The following CFAP52 variants were observed in gnomAD, a reference collection of about 807,000 sequenced individuals.
The protein encoded by CFAP52 is cilia and flagella associated protein 52.
In CFAP52, 57 loss-of-function variants were observed where a neutral mutation model predicts 70.5. That is an observed-to-expected ratio of 0.81 (90% CI 0.65 to 1.01). The LOEUF (loss-of-function observed/expected upper bound fraction) is 1.01. CFAP52 is among the 50% of genes least tolerant of loss of function. The pLI is 0.00. For synonymous variants in CFAP52, 267 were observed against 292.5 expected, an observed-to-expected ratio of 0.91 and a Z score of 0.89; for missense variants, 785 against 788.5, an observed-to-expected ratio of 1.00 and a Z score of 0.05.
At chr17:9,624,860 T>C (rs1247734898) in intron 8 of CFAP52, among the ~76,000 whole-genome samples, 2 of 152,212 alleles carry the variant, frequency 1.3e-5, no homozygotes, top group African/African-American at 4.8e-5. Context: ...CATCATCTGT[T>C]ATTCTCATGA....
At chr17:9,600,859 A>G (rs1294699134) in intron 6 of CFAP52, among the ~76,000 whole-genome samples, 1 of 152,178 alleles carries the variant, frequency 6.6e-6, no homozygotes, top group Non-Finnish European at 1.5e-5. Context: ...TGCAAGGTAC[A>G]TTGGCCAGTT....
At chr17:9,640,441 C>CAT (rs111298334) in intron 12 of CFAP52, among the ~76,000 whole-genome samples, 1,861 of 150,324 alleles carry the variant, frequency 0.012, 47 homozygotes, top group African/African-American at 0.043. Context: ...TGTTTCCCCA[C>CAT]GTGTCCATCT....
intron 8 of CFAP52, among the ~76,000 whole-genome samples, chr17:9,615,680 C>T (rs138796102): frequency 1.1e-4 from 17 of 151,496 alleles, no homozygotes; most frequent in South Asian, 4.2e-4. Flanking sequence ...AGCACAGTGA[C>T]GCAATCACAG....
intron 3 of CFAP52, among the ~76,000 whole-genome samples, chr17:9,589,066 C>T (rs1477060838): frequency 6.6e-6 from 1 of 152,082 alleles, no homozygotes; most frequent in Non-Finnish European, 1.5e-5. Context: ...TGCACCACTG[C>T]ACTCCAGCCT....
rs544149688 is a variant in CFAP52 at position 9,590,663 on chromosome 17, CT to C, written c.408-3529del. 2.7e-3 allele frequency among the ~76,000 whole-genome samples: 405 copies of C among 152,330 alleles called. 2 individuals carry two copies. Among genetic ancestry groups the C allele is most frequent in the African/African-American group, 9.5e-3 (394 of 41,578 alleles). ...CATTAGGCCACCCCAATCCCACCCCCTGTCAAAGAGACTAGGTCTTGCGGGG... is the reference window on the plus strand; with the variant it reads ...CATTAGGCCACCCCAATCCCACCCCCGTCAAAGAGACTAGGTCTTGCGGGG... On this transcript the variant is annotated intron_variant, in intron 3 of 13. Coordinates refer to ENST00000352665, the MANE Select transcript of CFAP52 (RefSeq NM_145054.5).
intron 4 of CFAP52, among the ~76,000 whole-genome samples, chr17:9,595,910 T>G (rs984527959): frequency 6.6e-6 from 1 of 150,622 alleles, no homozygotes; most frequent in African/African-American, 2.4e-5. Flanking sequence ...AAAAAAAAAG[T>G]TCAGTACGTT....
intron 7 of CFAP52, among the ~76,000 whole-genome samples, chr17:9,612,059 G>A (rs1275352672): frequency 6.6e-6 from 1 of 152,148 alleles, no homozygotes; most frequent in African/African-American, 2.4e-5. Flanking sequence ...TGCCTGCATT[G>A]CACAACCCAT....
chr17:9,591,568 A>G (rs529295291), intron 3 of CFAP52, among the ~76,000 whole-genome samples: 1 of 152,216 alleles, frequency 6.6e-6, no homozygotes, highest in Admixed American at 6.5e-5. Flanking sequence ...CCTTTGTTTT[A>G]TCTATTTTTA....
At chr17:9,598,354 T>C (rs1441986936) in intron 5 of CFAP52, 21 bp downstream of exon 5, 2 of 1,589,216 alleles carry the variant, frequency 1.3e-6, no homozygotes, top group Admixed American at 3.4e-5. Context: ...ATTTAAGTAT[T>C]AAGTAACAAT....
chr17:9,632,323 G>T (rs954104248), intron 9 of CFAP52, among the ~76,000 whole-genome samples: 4 of 149,924 alleles, frequency 2.7e-5, no homozygotes, highest in Admixed American at 1.3e-4. Context: ...TGTGCTCCTA[G>T]ACTCAAGCAA....
chr17:9,604,593 C>T (rs183003068), intron 6 of CFAP52, among the ~76,000 whole-genome samples: 1,565 of 151,848 alleles, frequency 0.01, 32 homozygotes, highest in African/African-American at 0.036. Flanking sequence ...CATGGTGAAA[C>T]CCCGTCTCTA....
chr17:9,607,632 T>G (rs1909547503), intron 6 of CFAP52, among the ~76,000 whole-genome samples: 1 of 152,244 alleles, frequency 6.6e-6, no homozygotes, highest in Non-Finnish European at 1.5e-5. Flanking sequence ...CCTTTGCATT[T>G]GTAAGAATTA....
At chr17:9,634,746 G>A (rs1218777377) in intron 10 of CFAP52, among the ~76,000 whole-genome samples, 1 of 151,930 alleles carries the variant, frequency 6.6e-6, no homozygotes, top group African/African-American at 2.4e-5. Context: ...CCTGGGAGAC[G>A]GACCAAGACT....
intron 3 of CFAP52, chr17:9,590,611 C>T (rs1908702573): frequency 6.6e-6 from 1 of 152,270 alleles, no homozygotes; most frequent in East Asian, 1.9e-4. Flanking sequence ...GCCTGGGTCC[C>T]ACCCCCGGAG....
chr17:9,593,826 A>G (rs35397077), intron 3 of CFAP52, among the ~76,000 whole-genome samples: 151,161 of 152,036 alleles, frequency 0.99, 75,154 homozygotes, highest in South Asian at 1. Context: ...TTACCCGGAC[A>G]TGGTGGTGTG....
Position 9,628,941 on chromosome 17 carries a change from C to T in CFAP52, c.1174+121C>T, listed in dbSNP as rs77481032. 29 of 1,415,150 alleles carry T rather than the reference C, an allele frequency of 2.0e-5. No homozygotes were observed. In the African/African-American group the frequency reaches 3.8e-4, roughly 19 times the overall value. 87.7% of individuals were successfully genotyped at this position (1,415,150 alleles called of 1,614,324 possible). On this transcript the variant is annotated intron_variant, in intron 9 of 13. Coordinates refer to ENST00000352665, the MANE Select transcript of CFAP52 (RefSeq NM_145054.5). Reference sequence around the variant, plus strand: ...TAGAACAGCCTCCCACTGTCCACCCCCTTCTTGCTTCTAATCTAGCCTCTC... The same window carrying T: ...TAGAACAGCCTCCCACTGTCCACCCTCTTCTTGCTTCTAATCTAGCCTCTC...
At chr17:9,601,228 C>T (rs4791352) in intron 6 of CFAP52, among the ~76,000 whole-genome samples, 28,469 of 135,466 alleles carry the variant, frequency 0.21, 3,075 homozygotes, top group East Asian at 0.46. Context: ...CACATGGACC[C>T]GGGAAAGGGA....
At chr17:9,580,372 C>T (rs891436506) in intron 1 of CFAP52, among the ~76,000 whole-genome samples, 25 of 148,922 alleles carry the variant, frequency 1.7e-4, no homozygotes, top group Admixed American at 4.0e-4. Flanking sequence ...ATATAAATGG[C>T]TATTAGCTCA....
At chr17:9,578,290 T>C (rs549632689) in intron 1 of CFAP52, among the ~76,000 whole-genome samples, 1 of 152,260 alleles carries the variant, frequency 6.6e-6, no homozygotes, top group Non-Finnish European at 1.5e-5. Context: ...AAAGGCCTTT[T>C]CAGGACATGA....
Sources: allele counts gnomAD v4.1 joint callset (sites outside exome capture counted in the v4.1 genomes callset), GRCh38; gene constraint gnomAD v4.1.1; transcripts MANE v1.5; gene names NCBI Gene and HGNC (gene_info 2026-07-23, HGNC 2026-07-21).